The following ASPRV1 variants were observed in gnomAD, a reference collection of about 807,000 sequenced individuals.
ASPRV1 encodes aspartic peptidase retroviral like 1, also known as retroviral-like aspartic protease 1.
ASPRV1 carries 7 observed loss-of-function variants against 11.0 expected under a neutral mutation model. The ratio of observed to expected loss-of-function variants is 0.64; its 90% CI spans 0.36 to 1.20. The LOEUF (loss-of-function observed/expected upper bound fraction) is 1.20, where lower values mean the gene tolerates loss of function less well. Among genes scored for constraint, ASPRV1 ranks in the 50% most tolerant of loss-of-function variants. The pLI, the probability that ASPRV1 is intolerant of heterozygous loss-of-function variation, is 0.02. For synonymous variants in ASPRV1, 136 were observed against 138.4 expected, an observed-to-expected ratio of 0.98 and a Z score of 0.12; for missense variants, 299 against 320.0, an observed-to-expected ratio of 0.93 and a Z score of 0.50.
At chr2:70,047,907 G>A in the ASPRV1 span, among the ~76,000 whole-genome samples, 1 of 151,996 alleles carries the variant, frequency 6.6e-6, no homozygotes, top group African/African-American at 2.4e-5. Flanking sequence ...TCAAGAGATC[G>A]AGACCATCCT....
the ASPRV1 span, among the ~76,000 whole-genome samples, chr2:70,074,206 G>A: frequency 6.6e-6 from 1 of 150,444 alleles, no homozygotes; most frequent in Non-Finnish European, 1.5e-5. Context: ...AGCTAAGCAG[G>A]TGTTAAGCAG....
At chr2:70,038,000 C>A in the ASPRV1 span, among the ~76,000 whole-genome samples, 1 of 152,128 alleles carries the variant, frequency 6.6e-6, no homozygotes, top group African/African-American at 2.4e-5. Context: ...GAGCTCTCCT[C>A]CTTGACAAGA....
At chr2:70,024,345 G>A in the ASPRV1 span, among the ~76,000 whole-genome samples, 172 of 152,318 alleles carry the variant, frequency 1.1e-3, no homozygotes, top group South Asian at 0.02. Context: ...GTCAGAACTA[G>A]TAAGTCGTTC....
chr2:69,998,463 C>T, the ASPRV1 span, among the ~76,000 whole-genome samples: 4 of 152,220 alleles, frequency 2.6e-5, no homozygotes, highest in South Asian at 2.1e-4. Context: ...TTTCTGGTGC[C>T]GGGCGCAGTG....
At chr2:70,028,940 CA>C in the ASPRV1 span, among the ~76,000 whole-genome samples, 1 of 149,266 alleles carries the variant, frequency 6.7e-6, no homozygotes, top group African/African-American at 2.6e-5. Flanking sequence ...ACTCCGTCTC[CA>C]AAAAAATAAA....
At chr2:70,012,157 C>CT in the ASPRV1 span, 1 of 139,160 alleles carries the variant, frequency 7.2e-6, no homozygotes, top group African/African-American at 3.0e-5. Flanking sequence ...AGATCAACAT[C>CT]ATTTTTTTTT....
the ASPRV1 span, among the ~76,000 whole-genome samples, chr2:69,968,717 G>C: frequency 2.6e-5 from 4 of 152,220 alleles, no homozygotes; most frequent in African/African-American, 9.6e-5. Flanking sequence ...CCCCAGCCTG[G>C]TCTGCCCAGC....
chr2:69,968,450 G>A, the ASPRV1 span: 1 of 152,158 alleles, frequency 6.6e-6, no homozygotes, highest in Admixed American at 6.5e-5. Context: ...CTTGAACCCA[G>A]GAGGTGGAGG....
the ASPRV1 span, chr2:70,028,635 A>C: frequency 1.3e-5 from 2 of 152,324 alleles, no homozygotes; most frequent in African/African-American, 2.4e-5. Context: ...GATCTTTAAG[A>C]GGTGATTAGG....
the ASPRV1 span, among the ~76,000 whole-genome samples, chr2:69,946,243 T>C: frequency 3.3e-5 from 5 of 152,232 alleles, no homozygotes; most frequent in South Asian, 1.0e-3. Flanking sequence ...CAGAGACCAA[T>C]AGGCTGGCCA....
Position 69,960,544 on chromosome 2 carries a change from A to G in ASPRV1, c.*113T>C. ...GGGAGGCAAAGGGGAGAGAAGAGCA[A>G]GAGTTGATAAGCAGACTGGCCAAGC... On this transcript the variant is annotated 3_prime_UTR_variant, in exon 1 of 1. Coordinates refer to ENST00000320256, the MANE Select transcript of ASPRV1 (RefSeq NM_152792.4). 8.7e-7 allele frequency: 1 copy of G among 1,143,294 alleles called. No homozygotes were observed. Among genetic ancestry groups the G allele is most frequent in the Non-Finnish European group, 1.2e-6 (1 of 811,446 alleles). 70.8% of individuals were successfully genotyped at this position (1,143,294 alleles called of 1,614,324 possible). A position where few individuals can be genotyped will look rare whatever the true frequency, so the allele number is the denominator to read the frequency against.
the ASPRV1 span, among the ~76,000 whole-genome samples, chr2:70,000,336 CCACA>C: frequency 2.3e-3 from 295 of 126,354 alleles, 2 homozygotes; most frequent in African/African-American, 8.6e-3. Context: ...AAAAAAAAAA[CCACA>C]CACACACACA....
chr2:69,961,639 T>C (rs1473751426), upstream of ASPRV1: 3 of 1,593,332 alleles, frequency 1.9e-6, no homozygotes, highest in Non-Finnish European at 2.6e-6. Flanking sequence ...TGTGGCCTGT[T>C]CACTCTGCAG....
chr2:70,037,711 T>G, the ASPRV1 span, among the ~76,000 whole-genome samples: 1 of 152,214 alleles, frequency 6.6e-6, no homozygotes, highest in Non-Finnish European at 1.5e-5. Context: ...CAGTTTGTCA[T>G]GTACTTTTGC....
At chr2:69,953,240 G>C in the ASPRV1 span, among the ~76,000 whole-genome samples, 1 of 152,228 alleles carries the variant, frequency 6.6e-6, no homozygotes, top group Non-Finnish European at 1.5e-5. Flanking sequence ...GGAGTTGTGG[G>C]TGGTCTCAGG....
chr2:70,010,243 C>T, the ASPRV1 span, among the ~76,000 whole-genome samples: 9 of 151,980 alleles, frequency 5.9e-5, no homozygotes, highest in African/African-American at 1.9e-4. Context: ...AGTGGAAAAG[C>T]TCTAAGGACG....
rs144015283 is a variant in ASPRV1, at chr2:69,960,873, G to C, written c.564C>G (p.Phe188Leu). Residue 188 changes from phenylalanine (F) to leucine (L), a missense_variant, in exon 1 of 1, where the codon TTC (phenylalanine) becomes TTG (leucine). Transcript: ENST00000320256. ...SLGKLKLKAQ[F>L]LVANASAEEA... ...CCTCGGCACTCGCATTGGCCACTAGGAACTGTGCCTTCAGCTTCAGCTTGC... is the reference window on the plus strand; with the variant it reads ...CCTCGGCACTCGCATTGGCCACTAGCAACTGTGCCTTCAGCTTCAGCTTGC... The C allele has an allele frequency of 1.9e-6, 3 of 1,613,992 alleles. No homozygotes were observed. Among genetic ancestry groups the C allele is most frequent in the African/African-American group, 2.7e-5 (2 of 74,912 alleles).
At chr2:70,005,472 GTATT>G in the ASPRV1 span, among the ~76,000 whole-genome samples, 37 of 152,248 alleles carry the variant, frequency 2.4e-4, no homozygotes, top group Non-Finnish European at 4.6e-4. Flanking sequence ...TGTCTTAAAT[GTATT>G]TATTAAAGTT....
At chr2:69,977,832 A>AG in the ASPRV1 span, among the ~76,000 whole-genome samples, 2 of 152,182 alleles carry the variant, frequency 1.3e-5, no homozygotes, top group African/African-American at 4.8e-5. Flanking sequence ...GTAACTCCAG[A>AG]GGGGGGAGTG....
Sources: gnomAD v4.1 joint callset for allele counts (sites outside exome capture counted in the v4.1 genomes callset) on GRCh38, gnomAD v4.1.1 for gene constraint, MANE v1.5 for transcripts, NCBI Gene and HGNC (gene_info 2026-07-23, HGNC 2026-07-21) for gene names.